The following CASQ2 variants were observed in gnomAD, a reference collection of about 807,000 sequenced individuals.
CASQ2 encodes calsequestrin 2, also known as calsequestrin-2.
CASQ2 carries 49 observed loss-of-function variants against 46.5 expected under a neutral mutation model. The observed-to-expected ratio is 1.05, with a 90% CI of 0.84 to 1.34. CASQ2 has a LOEUF of 1.34. CASQ2 is among the 40% of genes most tolerant of loss of function. The pLI is 0.00. For synonymous variants in CASQ2, 174 were observed against 168.5 expected, an observed-to-expected ratio of 1.03 and a Z score of -0.25; for missense variants, 486 against 481.3, an observed-to-expected ratio of 1.01 and a Z score of -0.09.
chr1:115,740,644 GCTTGTC>G lies in CASQ2; in HGVS notation c.420+78_420+83del, dbSNP rs1648143411. ...GTCACAGATGAGGCCAGGTTCTCCA[GCTTGTC>G]CTTTCTTTGGGGTTCTATCTCTCCC... On this transcript the variant is annotated intron_variant, in intron 3 of 10. Coordinates refer to ENST00000261448, the MANE Select transcript of CASQ2 (RefSeq NM_001232.4). The G allele has an allele frequency of 5.5e-6, 5 of 903,486 alleles. No homozygotes were observed. The South Asian group carries it at 6.8e-5, about 12-fold the overall frequency. The allele number at this position is 903,486 out of a possible 1,614,324, so 56.0% of individuals were successfully genotyped here.
intron 8 of CASQ2, among the ~76,000 whole-genome samples, chr1:115,706,965 A>ACT (rs1654383313): frequency 1.3e-5 from 2 of 152,016 alleles, no homozygotes; most frequent in African/African-American, 2.4e-5. Context: ...GCTCACACTG[A>ACT]AGATTCAGGC....
intron 5 of CASQ2, among the ~76,000 whole-genome samples, chr1:115,730,725 C>G (rs1647755605): frequency 6.6e-6 from 1 of 152,080 alleles, no homozygotes; most frequent in African/African-American, 2.4e-5. Flanking sequence ...CATCAATGGC[C>G]AGATCTTCTT....
chr1:115,736,498 G>T (rs183174810), intron 4 of CASQ2, among the ~76,000 whole-genome samples: 2 of 150,208 alleles, frequency 1.3e-5, no homozygotes, highest in Non-Finnish European at 3.0e-5. Flanking sequence ...TTAGCCAGGC[G>T]TGGTGGCGGG....
intron 1 of CASQ2, among the ~76,000 whole-genome samples, 199 bp from the exon 2 acceptor site, chr1:115,745,111 AG>A (rs1176908844): frequency 5.9e-5 from 9 of 152,236 alleles, no homozygotes. Flanking sequence ...CTGAGAATCA[AG>A]GAGGGAAAAT....
At chr1:115,701,887 A>G (rs1425810190) in intron 10 of CASQ2, among the ~76,000 whole-genome samples, 1 of 152,174 alleles carries the variant, frequency 6.6e-6, no homozygotes, top group East Asian at 1.9e-4. Flanking sequence ...ACACCTATCA[A>G]CAGGGGAGAA....
intron 8 of CASQ2, among the ~76,000 whole-genome samples, chr1:115,712,230 G>T (rs1033664328): frequency 2.6e-5 from 4 of 152,198 alleles, no homozygotes; most frequent in Non-Finnish European, 5.9e-5. Flanking sequence ...TCAGACATCC[G>T]CGTAGGACAG....
intron 8 of CASQ2, among the ~76,000 whole-genome samples, chr1:115,706,817 G>T (rs1287187007): frequency 1.3e-5 from 2 of 152,136 alleles, no homozygotes; most frequent in East Asian, 3.9e-4. Flanking sequence ...AGGAATGCTA[G>T]CTTTTGTTTG....
At position 115,701,214 on chromosome 1, in the gene CASQ2, T is replaced by C; in HGVS notation, c.*27A>G. Reference sequence around the variant, plus strand: ...TATGGTAGTGGGTGCTGTGATTTTGTTTTCATCAGAATTGTTTGGAGTTGG... The same window carrying C: ...TATGGTAGTGGGTGCTGTGATTTTGCTTTCATCAGAATTGTTTGGAGTTGG... On this transcript the variant is annotated 3_prime_UTR_variant, in exon 11 of 11. Coordinates refer to ENST00000261448, the MANE Select transcript of CASQ2 (RefSeq NM_001232.4). 1.2e-6 allele frequency: 2 copies of C among 1,613,636 alleles called. No homozygotes were observed. The highest frequency in any genetic ancestry group is 1.7e-6 in the Non-Finnish European group (2 of 1,180,020).
At chr1:115,754,357 G>A (rs1648683801) in intron 1 of CASQ2, among the ~76,000 whole-genome samples, 2 of 152,074 alleles carry the variant, frequency 1.3e-5, no homozygotes, top group Non-Finnish European at 2.9e-5. Flanking sequence ...TATCACGTTG[G>A]TCAATGCCAA....
At chr1:115,733,203 C>G (rs1231304690) in intron 4 of CASQ2, among the ~76,000 whole-genome samples, 1 of 152,166 alleles carries the variant, frequency 6.6e-6, no homozygotes, top group African/African-American at 2.4e-5. Flanking sequence ...ATTCACCACA[C>G]TTTTATGAAC....
intron 1 of CASQ2, among the ~76,000 whole-genome samples, chr1:115,750,603 G>A (rs1410950574): frequency 6.6e-6 from 1 of 152,138 alleles, no homozygotes; most frequent in Non-Finnish European, 1.5e-5. Context: ...TGACCTCCCA[G>A]GTTCAAGCAA....
In CASQ2 at chr1:115,725,572, A is replaced by G. The variant is rs759948112; in HGVS notation, c.738-19T>C. ...AGTGGGTCTGGAAAAAAAAAAAAAA[A>G]AAAAAAAAGAAAGAGCTTCCTTGAG... On this transcript the variant is annotated intron_variant, in intron 6 of 10. Coordinates refer to ENST00000261448, the MANE Select transcript of CASQ2 (RefSeq NM_001232.4). 9.4e-6 allele frequency: 15 copies of G among 1,603,022 alleles called. No individual in the cohort carries two copies. Among genetic ancestry groups the G allele is most frequent in the Non-Finnish European group, 1.3e-5 (15 of 1,178,184 alleles).
In CASQ2 at chr1:115,702,912, G is replaced by C; in HGVS notation, c.1014+9C>G. On this transcript the variant is annotated intron_variant, in intron 10 of 10. Coordinates refer to ENST00000261448, the MANE Select transcript of CASQ2 (RefSeq NM_001232.4). The stretch of plus-strand genomic sequence containing the variant: ...GGTGCCTGAGCAAGCCTTCACAGGG[G>C]ATACTCACATCTGTGACATTCACCA... 6.2e-7 allele frequency: 1 copy of C among 1,609,318 alleles called. No individual in the cohort carries two copies. The highest frequency in any genetic ancestry group is 8.5e-7 in the Non-Finnish European group (1 of 1,176,382).
intron 3 of CASQ2, 22 bp downstream of exon 3, chr1:115,740,706 G>A (rs1181927251): frequency 1.4e-6 from 2 of 1,439,742 alleles, no homozygotes; most frequent in Admixed American, 1.7e-5. Flanking sequence ...TCCATGCAGG[G>A]TCACTGTGTA....
chr1:115,710,436 C>G (rs1262324942), intron 8 of CASQ2, among the ~76,000 whole-genome samples: 1 of 152,184 alleles, frequency 6.6e-6, no homozygotes, highest in Non-Finnish European at 1.5e-5. Context: ...TCCACTGTCT[C>G]CTACCCTCTG....
chr1:115,708,556 C>A (rs184924473), intron 8 of CASQ2, among the ~76,000 whole-genome samples: 1 of 152,302 alleles, frequency 6.6e-6, no homozygotes, highest in Admixed American at 6.5e-5. Context: ...TTTCTCTCCT[C>A]ATCTTTAAAA....
At chr1:115,739,045 A>G (rs1267093094) in intron 3 of CASQ2, among the ~76,000 whole-genome samples, 1 of 128,280 alleles carries the variant, frequency 7.8e-6, no homozygotes, top group Non-Finnish European at 1.7e-5. Context: ...ATAGTTGCAA[A>G]TGATAGTTTT....
At chr1:115,739,055 T>G (rs2101093014) in intron 3 of CASQ2, among the ~76,000 whole-genome samples, 1 of 79,984 alleles carries the variant, frequency 1.3e-5, no homozygotes, top group East Asian at 2.6e-4. Context: ...ATGATAGTTT[T>G]CTTTTTTTAA....
At chr1:115,724,310 G>A (rs1403947254) in intron 7 of CASQ2, among the ~76,000 whole-genome samples, 1 of 152,056 alleles carries the variant, frequency 6.6e-6, no homozygotes, top group Non-Finnish European at 1.5e-5. Flanking sequence ...GTTTTTGTTT[G>A]TTTGTTTGGG....
Sources: gnomAD v4.1 joint callset for allele counts (sites outside exome capture counted in the v4.1 genomes callset) on GRCh38, gnomAD v4.1.1 for gene constraint, MANE v1.5 for transcripts, NCBI Gene and HGNC (gene_info 2026-07-23, HGNC 2026-07-21) for gene names.